SCARA5: variants seen among roughly 807,000 people sequenced by gnomAD.
SCARA5 encodes the protein scavenger receptor class A, member 5 (putative).
In SCARA5, 45 loss-of-function variants were observed where a neutral mutation model predicts 46.3. That is an observed-to-expected ratio of 0.97 (90% CI 0.76 to 1.24). The LOEUF (loss-of-function observed/expected upper bound fraction) is 1.24, where lower values mean the gene tolerates loss of function less well. Among genes scored for constraint, SCARA5 ranks in the 50% most tolerant of loss-of-function variants. The probability of loss-of-function intolerance (pLI) is 0.00; values close to 1 mark genes in which losing one functional copy is unlikely to be tolerated. For synonymous variants in SCARA5, 333 were observed against 306.5 expected (o/e 1.09, Z -0.90); for missense variants, 680 against 689.0 (o/e 0.99, Z 0.15).
intron 7 of SCARA5, among the ~76,000 whole-genome samples, chr8:27,894,937 C>G (rs1563515381): frequency 6.6e-6 from 1 of 152,120 alleles, no homozygotes; most frequent in Non-Finnish European, 1.5e-5. Flanking sequence ...ATTTGAGGGG[C>G]TCTGAGAACG....
At chr8:27,978,024 G>GTTTTTTTTT (rs11357387) in intron 2 of SCARA5, among the ~76,000 whole-genome samples, 14 of 106,634 alleles carry the variant, frequency 1.3e-4, no homozygotes, top group East Asian at 4.7e-4. Context: ...TGTGTCTTTT[G>GTTTTTTTTT]TTTTTTTTTT....
chr8:27,917,456 A>G (rs117848506), intron 4 of SCARA5, among the ~76,000 whole-genome samples: 1,884 of 152,238 alleles, frequency 0.012, 76 homozygotes, highest in East Asian at 0.11. Context: ...TCTAGCTTGG[A>G]AGAGGAAGGG....
At chr8:27,938,907 T>C (rs78970034) in intron 3 of SCARA5, among the ~76,000 whole-genome samples, 3,396 of 152,258 alleles carry the variant, frequency 0.022, 116 homozygotes, top group African/African-American at 0.076. Context: ...GAATAAGTGG[T>C]CTAAACTTTA....
intron 7 of SCARA5, among the ~76,000 whole-genome samples, chr8:27,894,188 T>C (rs575643416): frequency 7.2e-5 from 11 of 152,360 alleles, no homozygotes; most frequent in Admixed American, 2.0e-4. Context: ...GAGTTAGTTA[T>C]TACAGCTCAT....
In SCARA5 at chr8:27,946,932, G is replaced by GT. The variant is rs566279589; in HGVS notation, c.241+19481dup. ...TGAATTCATGATCCCCTTAGCTTTT[G>GT]TTTTTTTTCACTGTTCTCCTTCAGT... On this transcript the variant is annotated intron_variant, in intron 3 of 8. Coordinates refer to ENST00000354914, the MANE Select transcript of SCARA5 (RefSeq NM_173833.6). Among the ~76,000 whole-genome samples, 37 of 136,208 alleles carry GT rather than the reference G, an allele frequency of 2.7e-4. 1 individual carries two copies. Among genetic ancestry groups the GT allele is most frequent in the Admixed American group, 1.3e-3 (18 of 13,884 alleles). 89.4% of individuals were successfully genotyped at this position (136,208 alleles called of 152,430 possible). A position where few individuals can be genotyped will look rare whatever the true frequency, so the allele number is the denominator to read the frequency against.
chr8:27,968,288 CATA>C (rs1310012769), intron 2 of SCARA5, among the ~76,000 whole-genome samples: 1 of 152,226 alleles, frequency 6.6e-6, no homozygotes, highest in African/African-American at 2.4e-5. Flanking sequence ...AGAGCTATTA[CATA>C]ATATTTCCAT....
At position 27,940,541 on chromosome 8, in the gene SCARA5, C is replaced by T. The variant is rs550797098; in HGVS notation, c.242-18296G>A. 3.9e-5 allele frequency among the ~76,000 whole-genome samples: 6 copies of T among 152,148 alleles called. No individual in the cohort carries two copies. The South Asian group carries it at 1.2e-3, about 32-fold the overall frequency. ...GGGCTTGTATGCATATTTCTCAAAACCCAGTTCACATCTTTTTCTACTATA... is the reference window on the plus strand; with the variant it reads ...GGGCTTGTATGCATATTTCTCAAAATCCAGTTCACATCTTTTTCTACTATA... On this transcript the variant is annotated intron_variant, in intron 3 of 8. Transcript: ENST00000354914.
intron 3 of SCARA5, among the ~76,000 whole-genome samples, chr8:27,947,158 T>C (rs1010013959): frequency 6.6e-5 from 10 of 152,104 alleles, no homozygotes; most frequent in African/African-American, 2.4e-4. Flanking sequence ...ACTATAGGTA[T>C]GCACTACCAC....
rs571617672 is a variant in SCARA5, at chr8:27,987,079, C to T, written c.112+425G>A. Among the ~76,000 whole-genome samples, 1,121 of 152,338 alleles carry T rather than the reference C, an allele frequency of 7.4e-3. 4 individuals are homozygous for T. Among genetic ancestry groups the T allele is most frequent in the African/African-American group, 0.026 (1,061 of 41,580 alleles). On this transcript the variant is annotated intron_variant, in intron 2 of 8. Coordinates refer to ENST00000354914, the MANE Select transcript of SCARA5 (RefSeq NM_173833.6). Reference sequence around the variant, plus strand: ...GCCTTGCACCCAGGGGCAGGATGAGCACCTTGGAGAGCTCTTTGCCCCTCA... The same window carrying T: ...GCCTTGCACCCAGGGGCAGGATGAGTACCTTGGAGAGCTCTTTGCCCCTCA...
chr8:27,952,264 C>T (rs965306969), intron 3 of SCARA5, among the ~76,000 whole-genome samples: 6 of 152,132 alleles, frequency 3.9e-5, no homozygotes, highest in African/African-American at 9.7e-5. Flanking sequence ...AGCCTTTGCT[C>T]GTGCCTTTTT....
chr8:27,880,857 GAAAAA>G (rs71222524), intron 7 of SCARA5, among the ~76,000 whole-genome samples: 1 of 94,820 alleles, frequency 1.1e-5, no homozygotes, highest in South Asian at 4.1e-4. Context: ...CCTGTCTAAG[GAAAAA>G]AAAAAAAAAA....
At chr8:27,973,382 C>A (rs965594174) in intron 2 of SCARA5, among the ~76,000 whole-genome samples, 6 of 152,108 alleles carry the variant, frequency 3.9e-5, no homozygotes, top group African/African-American at 1.4e-4. Context: ...GAGGCTGAGG[C>A]AGGACAACTG....
chr8:27,942,763 A>C (rs1279038835), intron 3 of SCARA5, among the ~76,000 whole-genome samples: 2 of 152,112 alleles, frequency 1.3e-5, no homozygotes, highest in Non-Finnish European at 2.9e-5. Flanking sequence ...GCTGGAAAAA[A>C]AAATGCCCTT....
At chr8:27,875,758 C>G in intron 8 of SCARA5, among the ~76,000 whole-genome samples, 1 of 152,130 alleles carries the variant, frequency 6.6e-6, no homozygotes, top group African/African-American at 2.4e-5. Flanking sequence ...AGTGAGGTGA[C>G]CAGGCACTCG....
At chr8:27,920,529 G>C (rs906463171) in intron 4 of SCARA5, among the ~76,000 whole-genome samples, 1 of 150,634 alleles carries the variant, frequency 6.6e-6, no homozygotes, top group East Asian at 2.0e-4. Context: ...CAGGAGAATC[G>C]CTTGAACCTG....
intron 7 of SCARA5, among the ~76,000 whole-genome samples, chr8:27,904,126 C>T (rs556804996): frequency 1.3e-5 from 2 of 152,258 alleles, no homozygotes; most frequent in Admixed American, 6.5e-5. Flanking sequence ...CAGAAAGATG[C>T]CCATTACTAA....
intron 2 of SCARA5, among the ~76,000 whole-genome samples, chr8:27,976,118 C>T (rs1225607735): frequency 4.0e-5 from 6 of 149,194 alleles, no homozygotes; most frequent in East Asian, 2.0e-4. Flanking sequence ...CTTCCGCAGC[C>T]GGGGCTGAGG....
At chr8:27,955,299 A>T (rs999406936) in intron 3 of SCARA5, among the ~76,000 whole-genome samples, 1 of 152,144 alleles carries the variant, frequency 6.6e-6, no homozygotes, top group Non-Finnish European at 1.5e-5. Context: ...GCAGGGCGAG[A>T]CGGGAGCACA....
chr8:27,969,832 A>G (rs1175016175), intron 2 of SCARA5, among the ~76,000 whole-genome samples: 3 of 152,150 alleles, frequency 2.0e-5, no homozygotes, highest in Non-Finnish European at 4.4e-5. Context: ...TAAAAAACAA[A>G]GTCTATTAAA....
Sources: allele counts gnomAD v4.1 joint callset (sites outside exome capture counted in the v4.1 genomes callset), GRCh38; gene constraint gnomAD v4.1.1; transcripts MANE v1.5; gene names NCBI Gene and HGNC (gene_info 2026-07-23, HGNC 2026-07-21).